Variants in AFG1L observed in about 807,000 individuals in gnomAD.
AFG1L encodes the protein AFG1-like ATPase.
AFG1L carries 53 observed loss-of-function variants against 62.2 expected under a neutral mutation model. That is an observed-to-expected ratio of 0.85 (90% CI 0.68 to 1.07). The LOEUF is 1.07. AFG1L is among the 50% of genes least tolerant of loss of function. The pLI is 0.00. For synonymous variants in AFG1L, 228 were observed against 210.3 expected, an observed-to-expected ratio of 1.08 and a Z score of -0.73; for missense variants, 555 against 590.5, an observed-to-expected ratio of 0.94 and a Z score of 0.62.
chr6:108,384,736 A>C (rs1218803440), intron 6 of AFG1L, among the ~76,000 whole-genome samples: 1 of 152,178 alleles, frequency 6.6e-6, no homozygotes, highest in African/African-American at 2.4e-5. Flanking sequence ...AAGACAAGAA[A>C]TCTCAGCAGA....
intron 2 of AFG1L, among the ~76,000 whole-genome samples, chr6:108,341,046 A>G (rs1319471680): frequency 6.6e-6 from 1 of 152,212 alleles, no homozygotes; most frequent in African/African-American, 2.4e-5. Flanking sequence ...TGGAGGGCCC[A>G]GAGAGAGGGT....
intron 10 of AFG1L, among the ~76,000 whole-genome samples, chr6:108,482,480 A>G (rs1337264923): frequency 6.6e-6 from 1 of 152,158 alleles, no homozygotes; most frequent in Non-Finnish European, 1.5e-5. Context: ...TTCATATGGT[A>G]TATCTGTTAC....
At chr6:108,332,723 T>C (rs1778321115) in intron 2 of AFG1L, among the ~76,000 whole-genome samples, 1 of 152,246 alleles carries the variant, frequency 6.6e-6, no homozygotes, top group Admixed American at 6.5e-5. Flanking sequence ...TCCTCTCAGC[T>C]TAGCCTCCCC....
chr6:108,365,399 G>A (rs897723295), intron 5 of AFG1L, among the ~76,000 whole-genome samples: 1 of 151,746 alleles, frequency 6.6e-6, no homozygotes, highest in African/African-American at 2.4e-5. Flanking sequence ...AACTTGGATG[G>A]AATAGTTTCA....
intron 7 of AFG1L, among the ~76,000 whole-genome samples, chr6:108,414,106 C>A (rs1304914232): frequency 2.6e-5 from 4 of 152,138 alleles, no homozygotes; most frequent in African/African-American, 9.7e-5. Flanking sequence ...ACCGATCCCA[C>A]AGAAATACAA....
At chr6:108,500,484 G>GAT (rs1260950470) in intron 10 of AFG1L, among the ~76,000 whole-genome samples, 9 of 151,852 alleles carry the variant, frequency 5.9e-5, no homozygotes, top group Admixed American at 1.3e-4. Context: ...GACCAATACT[G>GAT]ATATATATAC....
At chr6:108,358,300 G>A (rs1049481078) in intron 5 of AFG1L, among the ~76,000 whole-genome samples, 3 of 152,132 alleles carry the variant, frequency 2.0e-5, no homozygotes, top group African/African-American at 4.8e-5. Context: ...AGGTATTGAA[G>A]TTAAATTTTT....
At chr6:108,320,857 G>A (rs930012423) in intron 1 of AFG1L, among the ~76,000 whole-genome samples, 2 of 152,128 alleles carry the variant, frequency 1.3e-5, no homozygotes, top group African/African-American at 4.8e-5. Context: ...GAGTAGCATC[G>A]ATGATTGATT....
intron 3 of AFG1L, among the ~76,000 whole-genome samples, chr6:108,348,634 T>A (rs1352967900): frequency 6.6e-6 from 1 of 152,260 alleles, no homozygotes; most frequent in African/African-American, 2.4e-5. Flanking sequence ...ATTGGTACTT[T>A]TGAGACCAAT....
In AFG1L at chr6:108,508,072, T is replaced by G. The variant is rs556373291; in HGVS notation, c.1063-2140T>G. The stretch of plus-strand genomic sequence containing the variant: ...TGCTAAACACTTTGCATATATTACT[T>G]TGTTTAATTCTCACGATTCTGTCAG... On this transcript the variant is annotated intron_variant, in intron 10 of 12. Transcript: ENST00000368977. Among the ~76,000 whole-genome samples the G allele has an allele frequency of 1.5e-4, 23 of 152,340 alleles. No homozygotes were observed. In the South Asian group the frequency reaches 4.6e-3, roughly 30 times the overall value.
intron 8 of AFG1L, among the ~76,000 whole-genome samples, chr6:108,452,234 A>G (rs1211898111): frequency 6.6e-6 from 1 of 152,194 alleles, no homozygotes; most frequent in African/African-American, 2.4e-5. Flanking sequence ...GGGGGCTGGT[A>G]ATACTAGAGG....
chr6:108,325,006 A>G (rs904188715), intron 2 of AFG1L, among the ~76,000 whole-genome samples: 2 of 151,922 alleles, frequency 1.3e-5, no homozygotes, highest in African/African-American at 4.8e-5. Flanking sequence ...GACATTTCTT[A>G]TTGGGTCATC....
At chr6:108,358,101 A>G (rs1779370225) in intron 5 of AFG1L, among the ~76,000 whole-genome samples, 1 of 152,224 alleles carries the variant, frequency 6.6e-6, no homozygotes, top group Non-Finnish European at 1.5e-5. Context: ...TACTAACCAC[A>G]TCAATGTTTT....
intron 6 of AFG1L, among the ~76,000 whole-genome samples, chr6:108,368,025 A>G (rs750382395): frequency 6.6e-6 from 1 of 152,172 alleles, no homozygotes; most frequent in Non-Finnish European, 1.5e-5. Flanking sequence ...AGATCTTACT[A>G]TGTAGCCTGC....
chr6:108,456,619 C>A (rs1363545996), intron 8 of AFG1L, among the ~76,000 whole-genome samples: 2 of 151,962 alleles, frequency 1.3e-5, no homozygotes, highest in Non-Finnish European at 2.9e-5. Context: ...CAGAAAGAAA[C>A]CCATAACCGT....
intron 7 of AFG1L, among the ~76,000 whole-genome samples, chr6:108,439,033 C>T (rs541292788): frequency 4.6e-5 from 7 of 152,014 alleles, no homozygotes; most frequent in Non-Finnish European, 7.4e-5. Flanking sequence ...GAGAACTTCA[C>T]GATAATGTTA....
chr6:108,468,725 C>T (rs1191451714), intron 8 of AFG1L, among the ~76,000 whole-genome samples: 1 of 147,760 alleles, frequency 6.8e-6, no homozygotes, highest in Non-Finnish European at 1.5e-5. Context: ...GTGAATTGAT[C>T]TTCTAATGTT....
chr6:108,344,145 G>A (rs956431395), intron 2 of AFG1L, among the ~76,000 whole-genome samples: 16 of 152,138 alleles, frequency 1.1e-4, no homozygotes, highest in African/African-American at 3.6e-4. Context: ...ATGGAGTCTC[G>A]TTCTGTTGCC....
chr6:108,483,591 A>G (rs1773410229), intron 10 of AFG1L, among the ~76,000 whole-genome samples: 1 of 152,228 alleles, frequency 6.6e-6, no homozygotes, highest in Non-Finnish European at 1.5e-5. Context: ...TTACACCTGC[A>G]GAAAATTTTC....
Sources: allele counts gnomAD v4.1 joint callset (sites outside exome capture counted in the v4.1 genomes callset), GRCh38; gene constraint gnomAD v4.1.1; transcripts MANE v1.5; gene names NCBI Gene and HGNC (gene_info 2026-07-23, HGNC 2026-07-21).